TFPI: variants seen among roughly 807,000 people sequenced by gnomAD.
The protein encoded by TFPI is tissue factor pathway inhibitor, also known as anti-convertin.
Under a neutral mutation model 34.6 loss-of-function variants are expected in TFPI, and 15 were observed. The ratio of observed to expected loss-of-function variants is 0.43; its 90% CI spans 0.29 to 0.67. TFPI has a LOEUF of 0.67. TFPI is among the 30% of genes least tolerant of loss of function. The probability of loss-of-function intolerance (pLI) is 0.15; values close to 1 mark genes in which losing one functional copy is unlikely to be tolerated. For missense variants in TFPI, 301 were observed against 364.0 expected (o/e 0.83, Z 1.41); for synonymous variants, 105 against 120.1 (o/e 0.87, Z 0.82).
intron 1 of TFPI, among the ~76,000 whole-genome samples, chr2:187,511,175 G>C (rs1040760662): frequency 9.9e-5 from 15 of 152,162 alleles, no homozygotes; most frequent in African/African-American, 3.6e-4. Context: ...GCTGAACACC[G>C]GGAAAGAACT....
intron 1 of TFPI, among the ~76,000 whole-genome samples, chr2:187,551,272 T>C (rs1574548792): frequency 6.6e-6 from 1 of 152,194 alleles, no homozygotes; most frequent in East Asian, 1.9e-4. Flanking sequence ...TTGGAACTTC[T>C]ATTATGGGCC....
rs150374841 is a variant in TFPI, at chr2:187,480,920, A to C, written c.628+3204T>G. Among the ~76,000 whole-genome samples, 888 of 152,258 alleles carry C rather than the reference A, an allele frequency of 5.8e-3. 11 individuals carry two copies. The highest frequency in any genetic ancestry group is 0.021 in the African/African-American group (863 of 41,576). On this transcript the variant is annotated intron_variant, in intron 6 of 7. Coordinates refer to ENST00000233156, the MANE Select transcript of TFPI (RefSeq NM_006287.6). Reference sequence around the variant, plus strand: ...CAAGTATCTCGAATCAAGAAAGCTTACTGGAAAAATATATCTTGAAAGCCA... The same window carrying C: ...CAAGTATCTCGAATCAAGAAAGCTTCCTGGAAAAATATATCTTGAAAGCCA...
chr2:187,496,606 C>T (rs546558265), intron 3 of TFPI, among the ~76,000 whole-genome samples: 6 of 151,926 alleles, frequency 3.9e-5, no homozygotes, highest in African/African-American at 9.6e-5. Flanking sequence ...GCAAGTTGAC[C>T]GTACCTAAAA....
rs749588918 is a variant in TFPI, at chr2:187,484,202, C to T, written c.550G>A (p.Val184Met). Residue 184 changes from valine to methionine, a missense_variant, in exon 6 of 8, where the codon GTG becomes ATG. Physicochemically the swap from Val to Met is conservative, Grantham distance 21. Transcript: ENST00000233156. ...TTGAGCTGGGTTCCATAATTATCCA[C>T]CTGGAAACCATTCGCTGGAAAAAAA... ...ICEDGPNGFQ[V>M]DNYGTQLNAV... 11 of 1,611,052 alleles carry T rather than the reference C, an allele frequency of 6.8e-6. No individual in the cohort carries two copies. Among genetic ancestry groups the T allele is most frequent in the Admixed American group, 1.7e-5 (1 of 59,506 alleles).
chr2:187,499,603 A>T (rs527344480), intron 2 of TFPI: 9 of 151,040 alleles, frequency 6.0e-5, no homozygotes, highest in African/African-American at 2.0e-4. Flanking sequence ...CAGCAGGCCC[A>T]CAGTAAGTAT....
At chr2:187,546,844 A>G (rs1432358411) in intron 1 of TFPI, 1 of 152,190 alleles carries the variant, frequency 6.6e-6, no homozygotes, top group Non-Finnish European at 1.5e-5. Context: ...CTCTTGGTAA[A>G]TGAATTAATT....
intron 4 of TFPI, 90 bp from the exon 5 acceptor site, chr2:187,485,077 AT>A: frequency 1.0e-6 from 1 of 977,162 alleles, no homozygotes; most frequent in Non-Finnish European, 1.4e-6. Context: ...TGGCTAAGTT[AT>A]TGAAGGAGTA....
At chr2:187,474,571 G>C (rs1040424057) in intron 6 of TFPI, among the ~76,000 whole-genome samples, 1 of 152,030 alleles carries the variant, frequency 6.6e-6, no homozygotes, top group African/African-American at 2.4e-5. Context: ...AACTCAACCA[G>C]GCATGCTTAG....
intron 1 of TFPI, among the ~76,000 whole-genome samples, chr2:187,526,162 G>C (rs1345452859): frequency 6.6e-6 from 1 of 152,094 alleles, no homozygotes; most frequent in Non-Finnish European, 1.5e-5. Flanking sequence ...ATTCTGCATT[G>C]AGAATGTCAT....
chr2:187,488,539 A>G (rs1271000649), intron 3 of TFPI, among the ~76,000 whole-genome samples, 164 bp from the exon 4 acceptor site: 1 of 151,368 alleles, frequency 6.6e-6, no homozygotes, highest in African/African-American at 2.4e-5. Flanking sequence ...TCTAAAAATT[A>G]ATCTTTTCTA....
intron 1 of TFPI, chr2:187,516,571 A>C (rs1210584669): frequency 6.6e-6 from 1 of 152,198 alleles, no homozygotes; most frequent in Non-Finnish European, 1.5e-5. Flanking sequence ...TGAGGATGAA[A>C]GTGAGAACTC....
At chr2:187,467,380 T>C (rs1691771854) in intron 7 of TFPI, among the ~76,000 whole-genome samples, 1 of 152,000 alleles carries the variant, frequency 6.6e-6, no homozygotes, top group African/African-American at 2.4e-5. Flanking sequence ...TTTATACTCT[T>C]CTTAGTCTTT....
intron 1 of TFPI, chr2:187,519,136 A>G (rs1417247634): frequency 6.6e-6 from 1 of 152,106 alleles, no homozygotes; most frequent in East Asian, 1.9e-4. Context: ...TCTGAAGCCT[A>G]CTTCTGTCAA....
intron 1 of TFPI, among the ~76,000 whole-genome samples, chr2:187,511,696 AAGC>A (rs1174555719): frequency 6.6e-6 from 1 of 152,174 alleles, no homozygotes; most frequent in Non-Finnish European, 1.5e-5. Context: ...GGTAACCTGT[AAGC>A]CAGGGCACGC....
At chr2:187,474,037 A>T (rs1692215203) in intron 6 of TFPI, among the ~76,000 whole-genome samples, 1 of 152,176 alleles carries the variant, frequency 6.6e-6, no homozygotes. Flanking sequence ...GAGTCCATAA[A>T]GTCATGTTTC....
At chr2:187,495,541 C>CT (rs779387117) in intron 3 of TFPI, among the ~76,000 whole-genome samples, 18 of 152,196 alleles carry the variant, frequency 1.2e-4, no homozygotes, top group Non-Finnish European at 2.4e-4. Context: ...GAAATCAGTG[C>CT]TGTGAGGTTA....
intron 2 of TFPI, among the ~76,000 whole-genome samples, chr2:187,499,912 A>G (rs1685740045): frequency 6.6e-6 from 1 of 152,150 alleles, no homozygotes; most frequent in Admixed American, 6.6e-5. Flanking sequence ...GTATCTGCAG[A>G]ACACAGGGAA....
chr2:187,550,383 C>A (rs1388075394), intron 1 of TFPI, among the ~76,000 whole-genome samples: 1 of 152,050 alleles, frequency 6.6e-6, no homozygotes, highest in Non-Finnish European at 1.5e-5. Context: ...AAAAAATTAA[C>A]CATAGAATAA....
chr2:187,516,360 G>T (rs987090057), intron 1 of TFPI: 13 of 152,180 alleles, frequency 8.5e-5, no homozygotes, highest in Admixed American at 5.9e-4. Flanking sequence ...GTTGGAAATG[G>T]TTTCCAGCAC....
Sources: allele counts gnomAD v4.1 joint callset (sites outside exome capture counted in the v4.1 genomes callset), GRCh38; gene constraint gnomAD v4.1.1; transcripts MANE v1.5; gene names NCBI Gene and HGNC (gene_info 2026-07-23, HGNC 2026-07-21).